SIM1: variants seen among roughly 807,000 people sequenced by gnomAD.
SIM1 encodes the protein SIM bHLH transcription factor 1.
A neutral mutation model predicts 78.2 loss-of-function variants in SIM1; 18 were observed. The observed-to-expected ratio is 0.23, with a 90% confidence interval of 0.16 to 0.34. The LOEUF is 0.34. Among genes scored for constraint, SIM1 ranks in the 10% least tolerant of loss-of-function variants. The pLI is 1.00. For synonymous variants in SIM1, 417 were observed against 385.2 expected, an observed-to-expected ratio of 1.08 and a Z score of -0.97; for missense variants, 939 against 975.1, an observed-to-expected ratio of 0.96 and a Z score of 0.49.
chr6:100,462,558 A>T (rs1192583528), intron 2 of SIM1: 1 of 152,128 alleles, frequency 6.6e-6, no homozygotes, highest in Non-Finnish European at 1.5e-5. Flanking sequence ...TTATAAGACA[A>T]TTTTCTCAGG....
At chr6:100,398,728 T>C (rs929590105) in intron 10 of SIM1, among the ~76,000 whole-genome samples, 1 of 152,118 alleles carries the variant, frequency 6.6e-6, no homozygotes, top group Non-Finnish European at 1.5e-5. Flanking sequence ...ACGATGAACA[T>C]GGGTGTACAA....
intron 10 of SIM1, among the ~76,000 whole-genome samples, chr6:100,398,854 A>G (rs1181623434): frequency 6.6e-6 from 1 of 152,046 alleles, no homozygotes; most frequent in Non-Finnish European, 1.5e-5. Flanking sequence ...GCTGTTTTTC[A>G]TAGAAGCTGC....
chr6:100,412,704 AAAG>A (rs2114492606), intron 10 of SIM1, among the ~76,000 whole-genome samples: 1 of 129,694 alleles, frequency 7.7e-6, no homozygotes, highest in Admixed American at 8.1e-5. Context: ...AGAAAGAAAG[AAAG>A]AAAGAAAGAA....
At chr6:100,433,740 C>CCACACACACA (rs528530747) in intron 9 of SIM1, among the ~76,000 whole-genome samples, 22,120 of 124,346 alleles carry the variant, frequency 0.18, 2,030 homozygotes, top group East Asian at 0.32. Flanking sequence ...ACCCCCCCAC[C>CCACACACACA]CACACACACA....
intron 10 of SIM1, among the ~76,000 whole-genome samples, chr6:100,402,639 A>G (rs920796920): frequency 6.4e-5 from 8 of 125,488 alleles, no homozygotes; most frequent in Non-Finnish European, 9.3e-5. Flanking sequence ...GTGCAGTGGC[A>G]CGATCTCGGC....
intron 10 of SIM1, among the ~76,000 whole-genome samples, chr6:100,402,560 C>CTT (rs1770941897): frequency 2.0e-5 from 2 of 100,962 alleles, no homozygotes; most frequent in African/African-American, 6.7e-5. Flanking sequence ...ATTTTCTTTT[C>CTT]TTTTCTCTTT....
At chr6:100,443,349 T>C (rs1772262913) in intron 9 of SIM1, among the ~76,000 whole-genome samples, 1 of 152,146 alleles carries the variant, frequency 6.6e-6, no homozygotes, top group Non-Finnish European at 1.5e-5. Context: ...GCAGAGAAGC[T>C]GTCTTTGCTA....
At chr6:100,413,731 A>G (rs1011842685) in intron 10 of SIM1, among the ~76,000 whole-genome samples, 1 of 152,212 alleles carries the variant, frequency 6.6e-6, no homozygotes, top group Admixed American at 6.5e-5. Context: ...CCTATGTCTG[A>G]TTCCATGTAC....
intron 5 of SIM1, 25 bp downstream of exon 5, chr6:100,449,566 C>A: frequency 6.3e-7 from 1 of 1,592,140 alleles, no homozygotes; most frequent in Non-Finnish European, 8.6e-7. Context: ...TGGGCCTGAG[C>A]GTCGCAGGCA....
intron 5 of SIM1, 33 bp from the exon 6 acceptor site, chr6:100,449,481 G>T: frequency 6.3e-7 from 1 of 1,597,480 alleles, no homozygotes; most frequent in Non-Finnish European, 8.6e-7. Context: ...AGCTCAGGTC[G>T]TGTGACACCG....
intron 10 of SIM1, among the ~76,000 whole-genome samples, chr6:100,406,594 TTTC>T (rs767479250): frequency 6.6e-6 from 1 of 152,180 alleles, no homozygotes; most frequent in South Asian, 2.1e-4. Flanking sequence ...AAGTCTACCT[TTTC>T]TTCTTCTAAG....
At chr6:100,398,809 A>G (rs1403723451) in intron 10 of SIM1, among the ~76,000 whole-genome samples, 1 of 152,084 alleles carries the variant, frequency 6.6e-6, no homozygotes, top group Non-Finnish European at 1.5e-5. Context: ...GCATCATATG[A>G]TAATTCTATT....
At chr6:100,449,530 G>A (rs1772456137) in intron 5 of SIM1, 61 bp downstream of exon 5, 1 of 1,583,460 alleles carries the variant, frequency 6.3e-7, no homozygotes, top group Non-Finnish European at 8.7e-7. Flanking sequence ...ACGACTAATT[G>A]GGGAAAAACC....
At chr6:100,448,757 G>A in intron 6 of SIM1, 79 bp from the exon 7 acceptor site, 1 of 1,314,858 alleles carries the variant, frequency 7.6e-7, no homozygotes, top group Non-Finnish European at 1.1e-6. Context: ...GTTGAAACAT[G>A]TTGAAACTCT....
At chr6:100,432,355 A>T (rs1004054958) in intron 9 of SIM1, among the ~76,000 whole-genome samples, 10 of 152,146 alleles carry the variant, frequency 6.6e-5, no homozygotes, top group Non-Finnish European at 4.4e-5. Flanking sequence ...TTGCATTCTT[A>T]ACAAGCTACT....
At chr6:100,428,625 T>C (rs1010476991) in intron 9 of SIM1, among the ~76,000 whole-genome samples, 4 of 140,828 alleles carry the variant, frequency 2.8e-5, no homozygotes, top group Admixed American at 2.8e-4. Context: ...TTATCAAGAG[T>C]TTTAAGAATG....
At chr6:100,421,717 G>C (rs1182587677) in intron 9 of SIM1, among the ~76,000 whole-genome samples, 1 of 152,152 alleles carries the variant, frequency 6.6e-6, no homozygotes, top group Non-Finnish European at 1.5e-5. Flanking sequence ...GAGATATCTA[G>C]AGCCTGAAGA....
At chr6:100,412,723 GAAAGAA>G (rs1482064910) in intron 10 of SIM1, among the ~76,000 whole-genome samples, 1 of 134,136 alleles carries the variant, frequency 7.5e-6, no homozygotes, top group Non-Finnish European at 1.6e-5. Flanking sequence ...AAGAAAGAAA[GAAAGAA>G]AGAAAGAAAG....
chr6:100,446,742 T>C (rs892706591), intron 9 of SIM1, among the ~76,000 whole-genome samples: 12 of 152,336 alleles, frequency 7.9e-5, no homozygotes, highest in African/African-American at 2.6e-4. Flanking sequence ...CTTGGGTCCC[T>C]TAGCTTTCTA....
Sources: allele counts gnomAD v4.1 joint callset (sites outside exome capture counted in the v4.1 genomes callset), GRCh38; gene constraint gnomAD v4.1.1; transcripts MANE v1.5; gene names NCBI Gene and HGNC (gene_info 2026-07-23, HGNC 2026-07-21).